The following CCNT2 variants were observed in gnomAD, a reference collection of about 807,000 sequenced individuals.
CCNT2 encodes cyclin-T2.
CCNT2 carries 18 observed loss-of-function variants against 70.0 expected under a neutral mutation model. The observed-to-expected ratio is 0.26, with a 90% CI of 0.18 to 0.38. The LOEUF (loss-of-function observed/expected upper bound fraction) is 0.38, where lower values mean the gene tolerates loss of function less well. Among genes scored for constraint, CCNT2 ranks in the 10% least tolerant of loss-of-function variants. The pLI is 1.00. For missense variants in CCNT2, 734 were observed against 890.2 expected (o/e 0.82, Z 2.23); for synonymous variants, 334 against 313.3 (o/e 1.07, Z -0.70).
In CCNT2 at chr2:134,958,316, T is replaced by C. The variant is rs1429462937; in HGVS notation, c.*3668T>C. ...GTCTTTGCTGAGAATATTTGGAGGC[T>C]CTTGTTAGGAAGAATCATGGATTCA... On this transcript the variant is annotated 3_prime_UTR_variant, in exon 9 of 9. Transcript: ENST00000264157. 2.0e-5 allele frequency: 3 copies of C among 152,228 alleles called. No homozygotes were observed. Among genetic ancestry groups the C allele is most frequent in the Non-Finnish European group, 4.4e-5 (3 of 68,034 alleles). 9.4% of individuals were successfully genotyped at this position (152,228 alleles called of 1,614,324 possible).
chr2:134,929,523 G>T (rs536183756), intron 2 of CCNT2, among the ~76,000 whole-genome samples: 1 of 151,022 alleles, frequency 6.6e-6, no homozygotes, highest in South Asian at 2.1e-4. Context: ...CAGGAAAATC[G>T]CTTGAGCCCA....
Position 134,958,505 on chromosome 2 carries a change from T to G in CCNT2, c.*3857T>G, listed in dbSNP as rs1254512053. On this transcript the variant is annotated 3_prime_UTR_variant, in exon 9 of 9. Transcript: ENST00000264157. ...TCATGTGCCCTAAGATGGACTTATT[T>G]AGATAGGGATTTTTGCATTGGAAAA... 6.6e-6 allele frequency: 1 copy of G among 152,190 alleles called. No homozygotes were observed. The highest frequency in any genetic ancestry group is 1.9e-4 in the East Asian group (1 of 5,204). The allele number at this position is 152,190 out of a possible 1,614,324, so 9.4% of individuals were successfully genotyped here.
intron 2 of CCNT2, among the ~76,000 whole-genome samples, chr2:134,931,199 T>C: frequency 6.8e-6 from 1 of 147,652 alleles, no homozygotes; most frequent in East Asian, 2.1e-4. Context: ...CCTGACCTCG[T>C]GATTTGCCTG....
At chr2:134,949,166 G>T (rs769890526) in intron 7 of CCNT2, among the ~76,000 whole-genome samples, 1 of 152,112 alleles carries the variant, frequency 6.6e-6, no homozygotes, top group Non-Finnish European at 1.5e-5. Context: ...GACCATAGGC[G>T]CATGCCACCA....
At chr2:134,939,826 G>A (rs4954199) in intron 4 of CCNT2, among the ~76,000 whole-genome samples, 53,056 of 151,970 alleles carry the variant, frequency 0.35, 10,064 homozygotes, top group Middle Eastern at 0.67. Flanking sequence ...CTTTTCTAAA[G>A]GTTATATCTT....
intron 5 of CCNT2, chr2:134,943,401 CAAAAA>C: frequency 1.1e-6 from 1 of 877,924 alleles, no homozygotes; most frequent in Non-Finnish European, 1.4e-6. Flanking sequence ...GACCCTATCT[CAAAAA>C]AAAAAGTTAT....
At chr2:134,933,030 G>A (rs1026962125) in intron 2 of CCNT2, among the ~76,000 whole-genome samples, 24 of 152,146 alleles carry the variant, frequency 1.6e-4, no homozygotes, top group African/African-American at 5.1e-4. Context: ...TGTTAGTCAG[G>A]GATTGGATAG....
intron 2 of CCNT2, among the ~76,000 whole-genome samples, chr2:134,926,066 A>G (rs963620145): frequency 6.6e-6 from 1 of 151,726 alleles, no homozygotes; most frequent in Non-Finnish European, 1.5e-5. Context: ...GGGTCTCACC[A>G]TGTTGCCCAG....
chr2:134,953,584 T>A lies in CCNT2; in HGVS notation c.1129T>A (p.Tyr377Asn). ...GGAGACATCTTTGTCTGGTAGCCAG[T>A]ACAACATCAACTTCCAGCAGGGACC... ...KQETSLSGSQ[Y>N]NINFQQGPSI... The change falls in exon 9 of 9, where the codon TAC becomes AAC. Residue 377 changes from tyrosine (Y) to asparagine (N), a missense_variant. Physicochemically the swap from Tyr to Asn is moderately radical, Grantham distance 143. Transcript: ENST00000264157. 1.2e-6 allele frequency: 2 copies of A among 1,614,100 alleles called. No individual in the cohort carries two copies. Among genetic ancestry groups the A allele is most frequent in the Non-Finnish European group, 1.7e-6 (2 of 1,179,964 alleles).
chr2:134,955,934 A>G lies in CCNT2; in HGVS notation c.*1286A>G, dbSNP rs1026316462. On this transcript the variant is annotated 3_prime_UTR_variant, in exon 9 of 9. Coordinates refer to ENST00000264157, the MANE Select transcript of CCNT2 (RefSeq NM_058241.3). ...GGCAAACCAGTAGTGGAGGTTTTAC[A>G]TTTGTTTGCACATCTCAGTATATTT... The G allele has an allele frequency of 6.6e-6, 1 of 152,612 alleles. No individual in the cohort carries two copies. The highest frequency in any genetic ancestry group is 6.5e-5 in the Admixed American group (1 of 15,280). The allele number at this position is 152,612 out of a possible 1,614,324, so 9.5% of individuals were successfully genotyped here.
At chr2:134,946,019 A>C in intron 5 of CCNT2, 82 bp from the exon 6 acceptor site, 1 of 1,608,374 alleles carries the variant, frequency 6.2e-7, no homozygotes, top group Non-Finnish European at 8.5e-7. Flanking sequence ...AAATCTTTGA[A>C]GTTTTTGTTG....
Position 134,954,003 on chromosome 2 carries a change from A to C in CCNT2, c.1548A>C (p.Lys516Asn), listed in dbSNP as rs753752408. ...GGATTCCAATACCACCCACTGATAA[A>C]AGCGCCAGTAAAGAAGAACTGAAAA... is the stretch of plus-strand genomic sequence containing the variant. ...KLRIPIPPTDKSASKEELKMK... is the reference protein window; with the variant it reads ...KLRIPIPPTDNSASKEELKMK... The change falls in exon 9 of 9, where the codon AAA (lysine) becomes AAC (asparagine). Residue 516 changes from lysine (K) to asparagine (N), a missense_variant. Physicochemically the swap from Lys to Asn is moderately conservative, Grantham distance 94. This residue lies in a region of CCNT2 where 532 missense variants were observed against 556.9 expected (regional missense o/e 0.96). Transcript: ENST00000264157. The C allele has an allele frequency of 1.9e-6, 3 of 1,614,192 alleles. No individual in the cohort carries two copies. Among genetic ancestry groups the C allele is most frequent in the Non-Finnish European group, 2.5e-6 (3 of 1,180,028 alleles).
At chr2:134,930,969 ATT>A (rs60712972) in intron 2 of CCNT2, among the ~76,000 whole-genome samples, 2 of 144,796 alleles carry the variant, frequency 1.4e-5, no homozygotes, top group African/African-American at 2.5e-5. Context: ...AAGGATTTGA[ATT>A]TTTTTTTTTT....
rs1421739043 is a variant in CCNT2 at position 134,957,765 on chromosome 2, C to G, written c.*3117C>G. ...TTAAATGTGCACCTTGGTCTTCCTC[C>G]GTGTGTTCAGATTCCTTCTGGTTAA... On this transcript the variant is annotated 3_prime_UTR_variant, in exon 9 of 9. Coordinates refer to ENST00000264157, the MANE Select transcript of CCNT2 (RefSeq NM_058241.3). The G allele has an allele frequency of 6.6e-6, 1 of 152,276 alleles. No individual in the cohort carries two copies. Among genetic ancestry groups the G allele is most frequent in the Non-Finnish European group, 1.5e-5 (1 of 68,020 alleles). 9.4% of individuals were successfully genotyped at this position (152,276 alleles called of 1,614,324 possible). A position where few individuals can be genotyped will look rare whatever the true frequency, so the allele number is the denominator to read the frequency against.
At chr2:134,928,374 G>C (rs918208967) in intron 2 of CCNT2, among the ~76,000 whole-genome samples, 3 of 149,238 alleles carry the variant, frequency 2.0e-5, no homozygotes, top group Admixed American at 6.8e-5. Context: ...TGCCTCCCAG[G>C]TTCAAGCAAT....
Position 134,918,895 on chromosome 2 carries a change from C to G in CCNT2, c.41C>G (p.Thr14Ser). 6.2e-7 allele frequency: 1 copy of G among 1,614,012 alleles called. No homozygotes were observed. The highest frequency in any genetic ancestry group is 8.5e-7 in the Non-Finnish European group (1 of 1,179,902). Reference sequence around the variant, plus strand: ...GGAGCTTCTTCTCGCTGGTTCTTTACTCGGGAACAGCTGGAGAACACGCCG... The same window carrying G: ...GGAGCTTCTTCTCGCTGGTTCTTTAGTCGGGAACAGCTGGAGAACACGCCG... ...GRGASSRWFF[T>S]REQLENTPSR... The change falls in exon 1 of 9, where the codon ACT becomes AGT. Residue 14 changes from threonine to serine, a missense_variant. Thr to Ser is a moderately conservative substitution (Grantham distance 58). This residue lies in a region of CCNT2 where 41 missense variants were observed against 29.5 expected (regional missense o/e 1.39). Coordinates refer to ENST00000264157, the MANE Select transcript of CCNT2 (RefSeq NM_058241.3).
chr2:134,935,859 A>G (rs1193906296), intron 2 of CCNT2, among the ~76,000 whole-genome samples: 1 of 152,020 alleles, frequency 6.6e-6, no homozygotes, highest in Non-Finnish European at 1.5e-5. Context: ...AGTTTCTACT[A>G]TATTGGTTTA....
chr2:134,954,835 T>C lies in CCNT2; in HGVS notation c.*187T>C, dbSNP rs921658600. The C allele has an allele frequency of 3.1e-5, 18 of 573,578 alleles. No homozygotes were observed. The highest frequency in any genetic ancestry group is 4.6e-4 in the Middle Eastern group (1 of 2,192). The allele number at this position is 573,578 out of a possible 1,614,324, so 35.5% of individuals were successfully genotyped here. ...GTAAACAAGTCTTTATCTCCACATA[T>C]GATAGTGTTATAAATACTGTAAAAG... On this transcript the variant is annotated 3_prime_UTR_variant, in exon 9 of 9. Coordinates refer to ENST00000264157, the MANE Select transcript of CCNT2 (RefSeq NM_058241.3).
chr2:134,951,934 C>G (rs1440715656), intron 7 of CCNT2, among the ~76,000 whole-genome samples: 1 of 152,210 alleles, frequency 6.6e-6, no homozygotes, highest in Non-Finnish European at 1.5e-5. Context: ...GTTCTCCAAT[C>G]TTTCCTTGTC....
Sources: gnomAD v4.1 joint callset for allele counts (sites outside exome capture counted in the v4.1 genomes callset) on GRCh38, gnomAD v4.1.1 for gene constraint, gnomAD v4.1.1 regional missense constraint, MANE v1.5 for transcripts, NCBI Gene and HGNC (gene_info 2026-07-23, HGNC 2026-07-21) for gene names.